KHNYN: variants seen among roughly 807,000 people sequenced by gnomAD.
The protein encoded by KHNYN is KH and NYN domain containing, also known as protein KHNYN.
Under a neutral mutation model 62.7 loss-of-function variants are expected in KHNYN, and 42 were observed. The observed-to-expected ratio is 0.67, with a 90% CI of 0.52 to 0.87. KHNYN has a LOEUF of 0.87. Among genes scored for constraint, KHNYN ranks in the 40% least tolerant of loss-of-function variants. The probability of loss-of-function intolerance (pLI) is 0.00; values close to 1 mark genes in which losing one functional copy is unlikely to be tolerated. For synonymous variants in KHNYN, 347 were observed against 345.6 expected (o/e 1.00, Z -0.04); for missense variants, 829 against 874.1 (o/e 0.95, Z 0.65).
upstream of KHNYN, chr14:24,428,747 G>A: frequency 1.3e-6 from 2 of 1,574,892 alleles, no homozygotes; most frequent in Non-Finnish European, 1.7e-6. Flanking sequence ...CAGGGGTAGG[G>A]GGATTACCTG....
At position 24,437,467 on chromosome 14, in the gene KHNYN, C is replaced by T; in HGVS notation, c.*182C>T. ...AACTGATCTTACCGAGTCAGGACCT[C>T]AGCCAGCTCTCAAGAGGTTCTGCTC... On this transcript the variant is annotated 3_prime_UTR_variant, in exon 8 of 8. Transcript: ENST00000553935. The surrounding 1 kb of genome is among the most constrained non-coding windows in gnomAD (Gnocchi z 5.5). 1.5e-6 allele frequency: 1 copy of T among 664,416 alleles called. No homozygotes were observed. The allele number at this position is 664,416 out of a possible 1,614,324, so 41.2% of individuals were successfully genotyped here.
upstream of KHNYN, chr14:24,426,933 G>C (rs1038786762): frequency 6.6e-6 from 1 of 152,326 alleles, no homozygotes; most frequent in Middle Eastern, 3.2e-3. Flanking sequence ...GAGTGTGGAG[G>C]GACTAAAGTT....
rs780555514 is a variant in KHNYN at position 24,432,628 on chromosome 14, C to G, written c.1349+18C>G. The G allele has an allele frequency of 6.2e-7, 1 of 1,608,512 alleles. No individual in the cohort carries two copies. The highest frequency in any genetic ancestry group is 2.2e-5 in the East Asian group (1 of 44,780). ...GCCATGGTGTGAGTACCTGGTGGGG[C>G]TAAGGGCCTAGGAGAGGGAGGATAT... is the stretch of plus-strand genomic sequence containing the variant. On this transcript the variant is annotated intron_variant, in intron 3 of 7. Transcript: ENST00000553935. This position sits in a 1 kb window ranked among gnomAD's most constrained non-coding sequence, Gnocchi z 5.6.
upstream of KHNYN, chr14:24,428,672 A>G (rs2139371187): frequency 1.4e-6 from 2 of 1,446,362 alleles, no homozygotes; most frequent in East Asian, 4.6e-5. Context: ...AAAGCCTCAG[A>G]GACAGCAAAG....
rs76985734 is a variant in KHNYN, at chr14:24,432,360, C to G, written c.1099C>G (p.Pro367Ala). The G allele has an allele frequency of 3.7e-6, 6 of 1,613,884 alleles. No individual in the cohort carries two copies. Among genetic ancestry groups the G allele is most frequent in the Non-Finnish European group, 5.1e-6 (6 of 1,179,998 alleles). Residue 367 changes from proline to alanine, a missense_variant, in exon 3 of 8, where the codon CCA becomes GCA. By Grantham distance (27) the Pro-to-Ala change is conservative. Coordinates refer to ENST00000553935, the MANE Select transcript of KHNYN (RefSeq NM_015299.3). The surrounding 1 kb of genome is among the most constrained non-coding windows in gnomAD (Gnocchi z 5.6). ...CAGCCCTCCACCTGCACCGGAACCC[C>G]CATGGCACTGTGGAGACCGGGGTGA... ...VPSPPPAPEP[P>A]WHCGDRGDCG... is the part of the protein sequence containing the mutation.
In KHNYN at chr14:24,432,378, C is replaced by T. The variant is rs762014009; in HGVS notation, c.1117C>T (p.Arg373Trp). Residue 373 changes from arginine (R) to tryptophan (W), a missense_variant, in exon 3 of 8, where the codon CGG (arginine) becomes TGG (tryptophan). Arg to Trp is a moderately radical substitution (Grantham distance 101, BLOSUM62 -3). Around this residue, in one of 2 missense-constraint regions of KHNYN, gnomAD observed 559 missense variants for 527.0 expected, o/e 1.06. Coordinates refer to ENST00000553935, the MANE Select transcript of KHNYN (RefSeq NM_015299.3). The surrounding 1 kb of genome is among the most constrained non-coding windows in gnomAD (Gnocchi z 5.6). Reference protein sequence around the residue: ...APEPPWHCGDRGDCGDRGDVG... With the variant: ...APEPPWHCGDWGDCGDRGDVG... ...GGAACCCCCATGGCACTGTGGAGAC[C>T]GGGGTGACTGCGGAGACCGGGGAGA... is the stretch of plus-strand genomic sequence containing the variant. The T allele has an allele frequency of 1.4e-5, 22 of 1,613,702 alleles. No homozygotes were observed. The highest frequency in any genetic ancestry group is 2.2e-5 in the East Asian group (1 of 44,874).
In KHNYN at chr14:24,432,372, G is replaced by A. The variant is rs777046862; in HGVS notation, c.1111G>A (p.Gly371Arg). Residue 371 changes from glycine to arginine, a missense_variant, in exon 3 of 8, where the codon GGA becomes AGA. By Grantham distance (125) the Gly-to-Arg change is moderately radical. Transcript: ENST00000553935. The surrounding 1 kb of genome is among the most constrained non-coding windows in gnomAD (Gnocchi z 5.6). ...PPAPEPPWHC[G>R]DRGDCGDRGD... is the part of the protein sequence containing the mutation. ...TGCACCGGAACCCCCATGGCACTGT[G>A]GAGACCGGGGTGACTGCGGAGACCG... 4 of 1,613,966 alleles carry A rather than the reference G, an allele frequency of 2.5e-6. No homozygotes were observed. Among genetic ancestry groups the A allele is most frequent in the Admixed American group, 3.3e-5 (2 of 60,016 alleles).
Position 24,440,618 on chromosome 14 carries a change from CAG to C in KHNYN, c.*3334_*3335del. On this transcript the variant is annotated 3_prime_UTR_variant, in exon 8 of 8. Transcript: ENST00000553935. ...GACTTGGCTCTGTAACAGAAGTGAG[CAG>C]TATGGCTGTCTTTAAGACCTCACAC... 7.3e-7 allele frequency: 1 copy of C among 1,367,294 alleles called. No individual in the cohort carries two copies. The highest frequency in any genetic ancestry group is 1.0e-6 in the Non-Finnish European group (1 of 990,038). The allele number at this position is 1,367,294 out of a possible 1,614,324, so 84.7% of individuals were successfully genotyped here.
rs367977819 is a variant in KHNYN at position 24,432,692 on chromosome 14, C to T, written c.1350-30C>T. Reference sequence around the variant, plus strand: ...GGCATTGTAGCCAGGGTGCCAAGCCCCTCCTCTGGCCGACCCCCTCCCACT... The same window carrying T: ...GGCATTGTAGCCAGGGTGCCAAGCCTCTCCTCTGGCCGACCCCCTCCCACT... On this transcript the variant is annotated intron_variant, in intron 3 of 7. Coordinates refer to ENST00000553935, the MANE Select transcript of KHNYN (RefSeq NM_015299.3). This position sits in a 1 kb window ranked among gnomAD's most constrained non-coding sequence, Gnocchi z 5.6. The T allele has an allele frequency of 2.5e-6, 4 of 1,614,090 alleles. No individual in the cohort carries two copies. The highest frequency in any genetic ancestry group is 3.4e-6 in the Non-Finnish European group (4 of 1,179,982).
In KHNYN at chr14:24,440,324, A is replaced by C; in HGVS notation, c.*3039A>C. 4 of 1,613,776 alleles carry C rather than the reference A, an allele frequency of 2.5e-6. No homozygotes were observed. Among genetic ancestry groups the C allele is most frequent in the Non-Finnish European group, 3.4e-6 (4 of 1,179,852 alleles). On this transcript the variant is annotated 3_prime_UTR_variant, in exon 8 of 8. Coordinates refer to ENST00000553935, the MANE Select transcript of KHNYN (RefSeq NM_015299.3). ...GGAGGATGGAGCCACTCCATTCAGG[A>C]CCCCGTGCACGTGGTTTGCTTCAAG...
chr14:24,424,756 C>G (rs2043004358), upstream of KHNYN, among the ~76,000 whole-genome samples: 1 of 152,194 alleles, frequency 6.6e-6, no homozygotes, highest in Non-Finnish European at 1.5e-5. Context: ...CCGTAAGGAA[C>G]TGAACTTTAA....
chr14:24,431,704 C>T lies in KHNYN; in HGVS notation c.443C>T (p.Pro148Leu). Residue 148 changes from proline (P) to leucine (L), a missense_variant, in exon 3 of 8, where the codon CCA becomes CTA. Around this residue, in one of 2 missense-constraint regions of KHNYN, gnomAD observed 559 missense variants for 527.0 expected, o/e 1.06. Coordinates refer to ENST00000553935, the MANE Select transcript of KHNYN (RefSeq NM_015299.3). ...LAERLSWDFT[P>L]GPSSGASQCT... ...GAGCGGCTGAGCTGGGACTTCACGCCAGGACCATCTTCCGGAGCCTCTCAG... is the reference window on the plus strand; with the variant it reads ...GAGCGGCTGAGCTGGGACTTCACGCTAGGACCATCTTCCGGAGCCTCTCAG... 5.0e-6 allele frequency: 8 copies of T among 1,614,234 alleles called. No individual in the cohort carries two copies. The highest frequency in any genetic ancestry group is 6.8e-6 in the Non-Finnish European group (8 of 1,180,044).
Position 24,437,067 on chromosome 14 carries a change from T to A in KHNYN, c.1819T>A (p.Ser607Thr), listed in dbSNP as rs1375094635. ...GGGGTCTTCTAAGGCTCAGCATCCT[T>A]CCAGGGGCTTTGCAGAACATGGTAA... ...TQGSSKAQHP[S>T]RGFAEHGKQQ... is the part of the protein sequence containing the mutation. Residue 607 changes from serine to threonine, a missense_variant, in exon 8 of 8, where the codon TCC (serine) becomes ACC (threonine). Around this residue, in one of 2 missense-constraint regions of KHNYN, gnomAD observed 270 missense variants for 347.1 expected, o/e 0.78. Coordinates refer to ENST00000553935, the MANE Select transcript of KHNYN (RefSeq NM_015299.3). The surrounding 1 kb of genome is among the most constrained non-coding windows in gnomAD (Gnocchi z 5.5). 6.2e-7 allele frequency: 1 copy of A among 1,614,140 alleles called. No individual in the cohort carries two copies. Among genetic ancestry groups the A allele is most frequent in the South Asian group, 1.1e-5 (1 of 91,090 alleles).
upstream of KHNYN, chr14:24,427,474 G>A (rs761277109): frequency 3.1e-5 from 10 of 320,242 alleles, no homozygotes; most frequent in East Asian, 1.6e-4. The surrounding 1 kb of genome is among the most constrained non-coding windows in gnomAD (Gnocchi z 4.4). Context: ...TGGGGGAACC[G>A]GAGGAGCAGA....
At chr14:24,429,202 C>A, upstream of KHNYN, 1 of 792,166 alleles carries the variant, frequency 1.3e-6, no homozygotes. Flanking sequence ...TGTCCCAGCT[C>A]TGTCCTGCCT....
chr14:24,441,709 T>C lies in KHNYN; in HGVS notation c.*4424T>C. ...GACTAAGACCCAGGCCTTGGGGGGT[T>C]GTGGGGCTTTGGTGATGGCTTTAGC... On this transcript the variant is annotated 3_prime_UTR_variant, in exon 8 of 8. Coordinates refer to ENST00000553935, the MANE Select transcript of KHNYN (RefSeq NM_015299.3). 4 of 1,596,912 alleles carry C rather than the reference T, an allele frequency of 2.5e-6. No individual in the cohort carries two copies. Among genetic ancestry groups the C allele is most frequent in the African/African-American group, 2.7e-5 (2 of 73,696 alleles).
In KHNYN at chr14:24,432,714, C is replaced by T. The variant is rs773233970; in HGVS notation, c.1350-8C>T. On this transcript the variant is annotated splice_polypyrimidine_tract_variant and splice_region_variant and intron_variant, in intron 3 of 7. Coordinates refer to ENST00000553935, the MANE Select transcript of KHNYN (RefSeq NM_015299.3). The surrounding 1 kb of genome is among the most constrained non-coding windows in gnomAD (Gnocchi z 5.6). ...GCCCCTCCTCTGGCCGACCCCCTCC[C>T]ACTACAGGCATGGCCTCCAGCACTA... 2.5e-6 allele frequency: 4 copies of T among 1,614,038 alleles called. No individual in the cohort carries two copies. In the African/African-American group the frequency reaches 4.0e-5, roughly 16 times the overall value.
upstream of KHNYN, chr14:24,426,515 C>T (rs1458663636): frequency 1.3e-5 from 2 of 152,198 alleles, no homozygotes; most frequent in Non-Finnish European, 2.9e-5. Context: ...TCCTATTTAA[C>T]TCAAACATTA....
Position 24,431,776 on chromosome 14 carries a change from G to A in KHNYN, c.515G>A (p.Gly172Glu), listed in dbSNP as rs771334762. 6 of 1,614,174 alleles carry A rather than the reference G, an allele frequency of 3.7e-6. No homozygotes were observed. Among genetic ancestry groups the A allele is most frequent in the Non-Finnish European group, 5.1e-6 (6 of 1,180,038 alleles). Residue 172 changes from glycine (G) to glutamate (E), a missense_variant, in exon 3 of 8, where the codon GGG (glycine) becomes GAG (glutamate). Coordinates refer to ENST00000553935, the MANE Select transcript of KHNYN (RefSeq NM_015299.3). ...TTCTCTGCCCTGCTGCAGTCCCCGG[G>A]GGATGCCCATAGAGAGGCTCTGTTG... ...RDFSALLQSP[G>E]DAHREALLQL...
Sources: gnomAD v4.1 joint callset for allele counts (sites outside exome capture counted in the v4.1 genomes callset) on GRCh38, gnomAD v4.1.1 for gene constraint, gnomAD v4.1.1 regional missense constraint, Gnocchi (gnomAD v3.1) non-coding constraint, MANE v1.5 for transcripts, NCBI Gene and HGNC (gene_info 2026-07-23, HGNC 2026-07-21) for gene names.